The following QKI variants were observed in gnomAD, a reference collection of about 807,000 sequenced individuals.
The protein encoded by QKI is KH domain-containing RNA-binding protein QKI.
QKI carries 10 observed loss-of-function variants against 39.0 expected under a neutral mutation model. That is an observed-to-expected ratio of 0.26 (90% CI 0.16 to 0.43). The LOEUF (loss-of-function observed/expected upper bound fraction) is 0.43. QKI is among the 20% of genes least tolerant of loss of function. The probability of loss-of-function intolerance (pLI) is 1.00; values close to 1 mark genes in which losing one functional copy is unlikely to be tolerated. For missense variants in QKI, 218 were observed against 428.0 expected, an observed-to-expected ratio of 0.51 and a Z score of 4.33; for synonymous variants, 204 against 155.4, an observed-to-expected ratio of 1.31 and a Z score of -2.33.
At chr6:163,523,470 A>G (rs988799131) in intron 3 of QKI, among the ~76,000 whole-genome samples, 2 of 152,154 alleles carry the variant, frequency 1.3e-5, no homozygotes, top group Non-Finnish European at 2.9e-5. Flanking sequence ...TTTGGTAGAT[A>G]TTTTAGGGAA....
intron 2 of QKI, among the ~76,000 whole-genome samples, chr6:163,465,251 C>G (rs1323899057): frequency 6.6e-6 from 1 of 152,076 alleles, no homozygotes; most frequent in African/African-American, 2.4e-5. Context: ...AAGCTGAAAG[C>G]TTTTCCTCTG....
chr6:163,478,913 G>A lies in QKI; in HGVS notation c.402+17G>A, dbSNP rs781281605. The A allele has an allele frequency of 5.8e-6, 9 of 1,538,802 alleles. No homozygotes were observed. Among genetic ancestry groups the A allele is most frequent in the African/African-American group, 5.5e-5 (4 of 72,626 alleles). ...AAAAAAAAGGTAAGTCCTTGAAAAT[G>A]GACTAAGTCTTTATGTGAGTAACTT... is the stretch of plus-strand genomic sequence containing the variant. On this transcript the variant is annotated intron_variant, in intron 3 of 7. Transcript: ENST00000361752.
intron 3 of QKI, among the ~76,000 whole-genome samples, chr6:163,487,910 A>G (rs1016501): frequency 0.69 from 105,351 of 151,838 alleles, 37,570 homozygotes; most frequent in East Asian, 1. Flanking sequence ...CAGAATAGCT[A>G]TATTCTGTTT....
At chr6:163,484,356 C>T (rs1333025854) in intron 3 of QKI, among the ~76,000 whole-genome samples, 1 of 152,088 alleles carries the variant, frequency 6.6e-6, no homozygotes, top group Non-Finnish European at 1.5e-5. Flanking sequence ...TGCACCACCA[C>T]ACCCAGCTAA....
chr6:163,479,025 C>T (rs1792853119), intron 3 of QKI, 129 bp downstream of exon 3: 1 of 686,556 alleles, frequency 1.5e-6, no homozygotes, highest in Non-Finnish European at 2.4e-6. Flanking sequence ...GTGGCTCACG[C>T]CTGTAATCCC....
intron 3 of QKI, among the ~76,000 whole-genome samples, chr6:163,530,610 A>G (rs1180925254): frequency 6.6e-6 from 1 of 152,206 alleles, no homozygotes; most frequent in Non-Finnish European, 1.5e-5. Context: ...CTACAGTAGA[A>G]TGAATATGGC....
intron 3 of QKI, among the ~76,000 whole-genome samples, chr6:163,532,306 G>A (rs1484496812): frequency 6.6e-6 from 1 of 152,084 alleles, no homozygotes; most frequent in Non-Finnish European, 1.5e-5. Flanking sequence ...TAATGTCTTT[G>A]TCTATTTATA....
At chr6:163,502,553 C>A (rs1398675687) in intron 3 of QKI, among the ~76,000 whole-genome samples, 2 of 152,058 alleles carry the variant, frequency 1.3e-5, no homozygotes, top group African/African-American at 4.8e-5. Context: ...CTGCCCCCCA[C>A]CTAAAATTTT....
At chr6:163,471,913 GAC>G (rs1348060051) in intron 2 of QKI, among the ~76,000 whole-genome samples, 7 of 152,038 alleles carry the variant, frequency 4.6e-5, no homozygotes, top group African/African-American at 1.7e-4. Flanking sequence ...ATCAAGAAAA[GAC>G]ACATAAGAAA....
chr6:163,495,515 A>G (rs867402455), intron 3 of QKI, among the ~76,000 whole-genome samples: 68 of 152,310 alleles, frequency 4.5e-4, no homozygotes, highest in Admixed American at 7.8e-4. Flanking sequence ...TGCATTTCCT[A>G]TAACCAAGGA....
Position 163,570,891 on chromosome 6 carries a change from C to G in QKI, c.*181C>G. On this transcript the variant is annotated 3_prime_UTR_variant, in exon 8 of 8. Coordinates refer to ENST00000361752, the MANE Select transcript of QKI (RefSeq NM_006775.3). ...ACAAAGAAATTGTTGTCCTCCAACT[C>G]AGCTTTTTTTTTTTTTTTTTCCTGT... is the stretch of plus-strand genomic sequence containing the variant. 1 of 699,998 alleles carries G rather than the reference C, an allele frequency of 1.4e-6. No individual in the cohort carries two copies. The highest frequency in any genetic ancestry group is 2.2e-6 in the Non-Finnish European group (1 of 460,802). The allele number at this position is 699,998 out of a possible 1,614,324, so 43.4% of individuals were successfully genotyped here. A position where few individuals can be genotyped will look rare whatever the true frequency, so the allele number is the denominator to read the frequency against.
At chr6:163,512,436 A>T (rs1779542219) in intron 3 of QKI, among the ~76,000 whole-genome samples, 1 of 152,122 alleles carries the variant, frequency 6.6e-6, no homozygotes, top group African/African-American at 2.4e-5. Context: ...TAAAAAGGTC[A>T]TTCCAGCAAG....
In QKI at chr6:163,470,720, T is replaced by G. The variant is rs116696548; in HGVS notation, c.286-8060T>G. On this transcript the variant is annotated intron_variant, in intron 2 of 7. Coordinates refer to ENST00000361752, the MANE Select transcript of QKI (RefSeq NM_006775.3). ...GAAATGGAAGCTATAAAAGAAAAAC[T>G]AAGCCAGAAAATTATTTACCTACTA... is the stretch of plus-strand genomic sequence containing the variant. 6.2e-3 allele frequency among the ~76,000 whole-genome samples: 939 copies of G among 152,206 alleles called. 9 individuals carry two copies. Among genetic ancestry groups the G allele is most frequent in the African/African-American group, 0.022 (901 of 41,520 alleles).
At chr6:163,451,988 A>G (rs1267242915) in intron 1 of QKI, among the ~76,000 whole-genome samples, 1 of 152,234 alleles carries the variant, frequency 6.6e-6, no homozygotes, top group Non-Finnish European at 1.5e-5. Flanking sequence ...TTTAAAGACA[A>G]AACTTTTAAA....
intron 6 of QKI, chr6:163,564,345 C>G (rs1411799181): frequency 1.9e-6 from 2 of 1,074,628 alleles, no homozygotes; most frequent in Non-Finnish European, 2.4e-6. Context: ...CACACCTAGG[C>G]TGTGTGGTAT....
intron 3 of QKI, among the ~76,000 whole-genome samples, chr6:163,498,243 C>G (rs1465157037): frequency 6.6e-6 from 1 of 150,670 alleles, no homozygotes; most frequent in Non-Finnish European, 1.5e-5. Context: ...CCTTTCTGCC[C>G]TCAGTCATTT....
At chr6:163,489,482 T>G (rs536694115) in intron 3 of QKI, among the ~76,000 whole-genome samples, 1 of 151,216 alleles carries the variant, frequency 6.6e-6, no homozygotes, top group South Asian at 2.1e-4. Flanking sequence ...ATTACTGTTA[T>G]GAACACTGTT....
intron 2 of QKI, among the ~76,000 whole-genome samples, chr6:163,460,567 G>A (rs1241246210): frequency 1.3e-5 from 2 of 152,136 alleles, no homozygotes; most frequent in African/African-American, 4.8e-5. Context: ...GTTAGCATAG[G>A]GTTGTTGTTT....
intron 4 of QKI, among the ~76,000 whole-genome samples, chr6:163,535,625 C>A (rs188129973): frequency 8.6e-5 from 13 of 151,728 alleles, no homozygotes; most frequent in African/African-American, 3.1e-4. Flanking sequence ...AATGTGGACC[C>A]TAATTTGCTA....
Sources: allele counts gnomAD v4.1 joint callset (sites outside exome capture counted in the v4.1 genomes callset), GRCh38; gene constraint gnomAD v4.1.1; transcripts MANE v1.5; gene names NCBI Gene and HGNC (gene_info 2026-07-23, HGNC 2026-07-21).